The following NEK5 variants were observed in gnomAD, a reference collection of about 807,000 sequenced individuals.
NEK5 encodes serine/threonine-protein kinase Nek5.
Under a neutral mutation model 109.2 loss-of-function variants are expected in NEK5, and 88 were observed. That is an observed-to-expected ratio of 0.81 (90% CI 0.68 to 0.96). The LOEUF (loss-of-function observed/expected upper bound fraction) is 0.96, where lower values mean the gene tolerates loss of function less well. Among genes scored for constraint, NEK5 ranks in the 40% least tolerant of loss-of-function variants. The pLI is 0.00. For missense variants in NEK5, 834 were observed against 920.7 expected (o/e 0.91, Z 1.22); for synonymous variants, 283 against 299.9 (o/e 0.94, Z 0.58).
chr13:52,112,887 C>A (rs1955784072), intron 4 of NEK5, among the ~76,000 whole-genome samples: 2 of 152,158 alleles, frequency 1.3e-5, no homozygotes, highest in Admixed American at 1.3e-4. Context: ...ATTGCTATTG[C>A]CCCATCAACG....
chr13:52,118,565 G>A (rs999105861), intron 4 of NEK5, among the ~76,000 whole-genome samples: 1 of 151,936 alleles, frequency 6.6e-6, no homozygotes, highest in Non-Finnish European at 1.5e-5. Context: ...TTTTACCTTT[G>A]GACTACAGTG....
intron 15 of NEK5, among the ~76,000 whole-genome samples, chr13:52,087,092 C>T (rs1012545333): frequency 6.6e-6 from 1 of 152,186 alleles, no homozygotes; most frequent in Admixed American, 6.5e-5. Flanking sequence ...GAAACTAATA[C>T]AAATCCCAAA....
intron 19 of NEK5, among the ~76,000 whole-genome samples, chr13:52,075,149 C>T (rs1954844855): frequency 6.6e-6 from 1 of 152,180 alleles, no homozygotes. Context: ...ACAAACCATT[C>T]TACCAAAAAG....
At chr13:52,103,169 C>A (rs1313550609) in intron 9 of NEK5, among the ~76,000 whole-genome samples, 1 of 152,222 alleles carries the variant, frequency 6.6e-6, no homozygotes, top group East Asian at 1.9e-4. Context: ...TGGCTCACGC[C>A]TGTAATCCCA....
chr13:52,100,532 G>A (rs1351870879), intron 11 of NEK5, among the ~76,000 whole-genome samples: 2 of 152,218 alleles, frequency 1.3e-5, no homozygotes, highest in Admixed American at 1.3e-4. Context: ...AAAGTGCCAG[G>A]ACTGAGGTAT....
chr13:52,070,750 G>A (rs1954771051), intron 20 of NEK5, among the ~76,000 whole-genome samples: 1 of 152,202 alleles, frequency 6.6e-6, no homozygotes, highest in African/African-American at 2.4e-5. Flanking sequence ...TTTAGAGAAT[G>A]AAGGGGAAAT....
intron 11 of NEK5, among the ~76,000 whole-genome samples, chr13:52,101,432 T>C (rs925913520): frequency 6.6e-6 from 1 of 152,164 alleles, no homozygotes; most frequent in Admixed American, 6.5e-5. Flanking sequence ...TATTTATTAC[T>C]ACCATAAAAT....
In NEK5 at chr13:52,089,015, T is replaced by C. The variant is rs182486741; in HGVS notation, c.1275+232A>G. On this transcript the variant is annotated intron_variant, in intron 14 of 23. Coordinates refer to ENST00000684899, the MANE Select transcript of NEK5 (RefSeq NM_001365552.1). ...CTGGGGAAGGAGAATTGCTTGAACC[T>C]GGGAGGCAGAGGTTGCAGTGAGCCA... is the stretch of plus-strand genomic sequence containing the variant. Among the ~76,000 whole-genome samples the C allele has an allele frequency of 2.5e-3, 384 of 152,010 alleles. 1 individual carries two copies. Among genetic ancestry groups the C allele is most frequent in the Middle Eastern group, 3.4e-3 (1 of 294 alleles).
At chr13:52,053,504 G>C (rs1271233013) in intron 22 of NEK5, among the ~76,000 whole-genome samples, 2 of 151,720 alleles carry the variant, frequency 1.3e-5, no homozygotes, top group African/African-American at 4.8e-5. Context: ...TAAAAATCTT[G>C]ACTTTCTTTC....
At chr13:52,045,943 C>G (rs1209105227) in intron 23 of NEK5, among the ~76,000 whole-genome samples, 1 of 150,588 alleles carries the variant, frequency 6.6e-6, no homozygotes, top group Non-Finnish European at 1.5e-5. Context: ...CGGTGGTGTG[C>G]GCCTGTAATC....
At chr13:52,047,668 C>A (rs995534408) in intron 23 of NEK5, among the ~76,000 whole-genome samples, 3 of 151,922 alleles carry the variant, frequency 2.0e-5, no homozygotes, top group Non-Finnish European at 4.4e-5. Context: ...TAGCAAGACC[C>A]CGTCTCTACA....
intron 17 of NEK5, among the ~76,000 whole-genome samples, chr13:52,076,520 G>A (rs1055091355): frequency 6.6e-6 from 1 of 152,164 alleles, no homozygotes; most frequent in Non-Finnish European, 1.5e-5. Context: ...CTGAAAATTG[G>A]TAGGCAATTT....
chr13:52,101,483 A>T (rs1354058763), intron 11 of NEK5, among the ~76,000 whole-genome samples: 4 of 152,150 alleles, frequency 2.6e-5, no homozygotes, highest in Admixed American at 2.6e-4. Context: ...AACAGTTCTT[A>T]CTGTTATCAA....
chr13:52,065,460 G>T, intron 21 of NEK5, 24 bp downstream of exon 21: 2 of 1,614,138 alleles, frequency 1.2e-6, no homozygotes, highest in Middle Eastern at 1.6e-4. Flanking sequence ...CCTTCCTGAC[G>T]ACTGACGCTA....
Position 52,092,938 on chromosome 13 carries a change from T to C in NEK5, c.1208+116A>G, listed in dbSNP as rs1593967872. Reference sequence around the variant, plus strand: ...GAACTATGTGTTTAAAATGAAGATTTGGAAAGTTCTTCTTGGATTATTTGT... The same window carrying C: ...GAACTATGTGTTTAAAATGAAGATTCGGAAAGTTCTTCTTGGATTATTTGT... On this transcript the variant is annotated intron_variant, in intron 13 of 23. Transcript: ENST00000684899. 4.3e-6 allele frequency: 3 copies of C among 704,844 alleles called. No homozygotes were observed. In the East Asian group the frequency reaches 8.3e-5, roughly 19 times the overall value. 43.7% of individuals were successfully genotyped at this position (704,844 alleles called of 1,614,324 possible).
chr13:52,126,102 A>G (rs1956059912), intron 3 of NEK5, among the ~76,000 whole-genome samples: 1 of 152,198 alleles, frequency 6.6e-6, no homozygotes, highest in South Asian at 2.1e-4. Flanking sequence ...CACACTTTGT[A>G]TGGAACTTTT....
chr13:52,119,555 AAAC>A (rs1955930813), intron 3 of NEK5, 140 bp from the exon 4 acceptor site: 4 of 507,170 alleles, frequency 7.9e-6, no homozygotes, highest in Non-Finnish European at 1.4e-5. Flanking sequence ...CAATGGCAGG[AAAC>A]AACATTTCTA....
intron 22 of NEK5, among the ~76,000 whole-genome samples, chr13:52,056,068 A>G (rs534845612): frequency 1.4e-3 from 212 of 152,292 alleles, no homozygotes; most frequent in African/African-American, 4.6e-3. Context: ...ACATGCAGAG[A>G]CACACATACG....
intron 8 of NEK5, among the ~76,000 whole-genome samples, chr13:52,105,406 A>G (rs939015170): frequency 6.6e-6 from 1 of 152,002 alleles, no homozygotes; most frequent in Admixed American, 6.6e-5. Flanking sequence ...TTTTTCATTA[A>G]CAAGGTTTCA....
Sources: allele counts gnomAD v4.1 joint callset (sites outside exome capture counted in the v4.1 genomes callset), GRCh38; gene constraint gnomAD v4.1.1; transcripts MANE v1.5; gene names NCBI Gene and HGNC (gene_info 2026-07-23, HGNC 2026-07-21).